Variants in ST8SIA1 observed in about 807,000 individuals in gnomAD.
The protein encoded by ST8SIA1 is ST8 alpha-N-acetyl-neuraminide alpha-2,8-sialyltransferase 1.
ST8SIA1 carries 16 observed loss-of-function variants against 35.9 expected under a neutral mutation model. That is an observed-to-expected ratio of 0.45 (90% CI 0.30 to 0.68). The LOEUF (loss-of-function observed/expected upper bound fraction) is 0.68. Among genes scored for constraint, ST8SIA1 ranks in the 30% least tolerant of loss-of-function variants. The probability of loss-of-function intolerance (pLI) is 0.09; values close to 1 mark genes in which losing one functional copy is unlikely to be tolerated. For missense variants in ST8SIA1, 383 were observed against 453.6 expected (o/e 0.84, Z 1.41); for synonymous variants, 170 against 169.6 (o/e 1.00, Z -0.02).
intron 4 of ST8SIA1, among the ~76,000 whole-genome samples, chr12:22,238,565 A>T (rs1865502355): frequency 6.6e-6 from 1 of 152,184 alleles, no homozygotes; most frequent in African/African-American, 2.4e-5. Context: ...TGAATTCCTG[A>T]CCCACAGAAA....
Position 22,237,067 on chromosome 12 carries a change from A to C in ST8SIA1, c.584+11939T>G, listed in dbSNP as rs182285950. On this transcript the variant is annotated intron_variant, in intron 4 of 4. Transcript: ENST00000396037. ...ACTCACAGGGCTGTGGTATTGTCAA[A>C]ATAAGTTAACATTAGGAAAAATTAT... 5.3e-5 allele frequency among the ~76,000 whole-genome samples: 8 copies of C among 152,216 alleles called. No individual in the cohort carries two copies. The East Asian group carries it at 1.6e-3, about 29-fold the overall frequency.
chr12:22,264,401 C>T (rs892175133), intron 2 of ST8SIA1, among the ~76,000 whole-genome samples: 1 of 152,156 alleles, frequency 6.6e-6, no homozygotes, highest in Non-Finnish European at 1.5e-5. Flanking sequence ...TTCCCACAAG[C>T]GAATTCCTAG....
At chr12:22,259,017 T>C (rs1192074402) in intron 2 of ST8SIA1, among the ~76,000 whole-genome samples, 1 of 152,162 alleles carries the variant, frequency 6.6e-6, no homozygotes, top group African/African-American at 2.4e-5. Flanking sequence ...TTCTATGAGT[T>C]TGTGGATGTC....
chr12:22,294,563 A>T (rs955845299), intron 1 of ST8SIA1, among the ~76,000 whole-genome samples: 1 of 152,250 alleles, frequency 6.6e-6, no homozygotes, highest in Non-Finnish European at 1.5e-5. Context: ...AACAACTCTT[A>T]TCCACTACTT....
At chr12:22,307,553 G>A (rs1196354687) in intron 1 of ST8SIA1, among the ~76,000 whole-genome samples, 2 of 152,130 alleles carry the variant, frequency 1.3e-5, no homozygotes, top group Non-Finnish European at 2.9e-5. Flanking sequence ...TAGGGGGAGA[G>A]CAGACACACT....
At chr12:22,305,286 T>A (rs1866370617) in intron 1 of ST8SIA1, among the ~76,000 whole-genome samples, 1 of 152,098 alleles carries the variant, frequency 6.6e-6, no homozygotes, top group African/African-American at 2.4e-5. Flanking sequence ...CTTTTTCAAG[T>A]GTACATGACT....
intron 4 of ST8SIA1, among the ~76,000 whole-genome samples, chr12:22,234,264 A>G (rs930417252): frequency 6.6e-6 from 1 of 151,852 alleles, no homozygotes; most frequent in East Asian, 1.9e-4. Flanking sequence ...TGTCTCAAAA[A>G]AAAAAAAAGA....
intron 2 of ST8SIA1, among the ~76,000 whole-genome samples, chr12:22,282,657 AATTC>A (rs1342104255): frequency 1.3e-5 from 2 of 152,110 alleles, no homozygotes; most frequent in Non-Finnish European, 2.9e-5. Context: ...CCTACCCTCT[AATTC>A]TTTATTGCTT....
intron 1 of ST8SIA1, among the ~76,000 whole-genome samples, chr12:22,310,718 C>T (rs1281504557): frequency 6.6e-6 from 1 of 152,024 alleles, no homozygotes; most frequent in African/African-American, 2.4e-5. Flanking sequence ...ACAAAAAATG[C>T]TGACTTTTCT....
intron 4 of ST8SIA1, among the ~76,000 whole-genome samples, chr12:22,224,457 A>G (rs1480607349): frequency 6.6e-6 from 1 of 151,860 alleles, no homozygotes; most frequent in Non-Finnish European, 1.5e-5. Context: ...TTACAGATGC[A>G]CACCACCAGG....
intron 1 of ST8SIA1, among the ~76,000 whole-genome samples, chr12:22,287,565 A>G (rs770992409): frequency 1.4e-4 from 22 of 152,200 alleles, no homozygotes; most frequent in Non-Finnish European, 2.9e-4. Flanking sequence ...AGATATGTCA[A>G]AAGATAAAAA....
At position 22,305,835 on chromosome 12, in the gene ST8SIA1, G is replaced by A. The variant is rs575550445; in HGVS notation, c.237-18542C>T. Among the ~76,000 whole-genome samples the A allele has an allele frequency of 3.3e-5, 5 of 152,224 alleles. No homozygotes were observed. In the South Asian group the frequency reaches 1.0e-3, roughly 32 times the overall value. ...TGCTTGGGTAATTTTTAATAAATAA[G>A]ACATTAATATTGGTTTAATGAAAAT... On this transcript the variant is annotated intron_variant, in intron 1 of 4. Transcript: ENST00000396037.
At chr12:22,300,765 C>G (rs2135824733) in intron 1 of ST8SIA1, among the ~76,000 whole-genome samples, 1 of 152,188 alleles carries the variant, frequency 6.6e-6, no homozygotes, top group South Asian at 2.1e-4. Context: ...TAGCAAATGT[C>G]TTAACCTTTG....
At chr12:22,316,444 G>A (rs1219893935) in intron 1 of ST8SIA1, among the ~76,000 whole-genome samples, 2 of 152,078 alleles carry the variant, frequency 1.3e-5, no homozygotes, top group South Asian at 2.1e-4. Flanking sequence ...GTAACATCTT[G>A]TGGAAAAAGT....
intron 1 of ST8SIA1, among the ~76,000 whole-genome samples, chr12:22,329,036 G>A (rs1005470849): frequency 5.9e-5 from 9 of 152,182 alleles, no homozygotes; most frequent in African/African-American, 2.2e-4. Flanking sequence ...GTCATTCCAG[G>A]TGGAGTGGGT....
At chr12:22,290,738 G>A (rs757506986) in intron 1 of ST8SIA1, among the ~76,000 whole-genome samples, 1 of 152,206 alleles carries the variant, frequency 6.6e-6, no homozygotes, top group Non-Finnish European at 1.5e-5. Flanking sequence ...TGGACTTCAC[G>A]TCCGTCTAAC....
chr12:22,296,762 G>C (rs1866249368), intron 1 of ST8SIA1, among the ~76,000 whole-genome samples: 1 of 152,154 alleles, frequency 6.6e-6, no homozygotes, highest in Non-Finnish European at 1.5e-5. Flanking sequence ...CACTTCTGGA[G>C]GCTTGAGCAG....
intron 2 of ST8SIA1, among the ~76,000 whole-genome samples, chr12:22,258,077 A>T (rs1260337011): frequency 6.6e-6 from 1 of 151,906 alleles, no homozygotes; most frequent in Non-Finnish European, 1.5e-5. Flanking sequence ...AGTAGCCAGA[A>T]GCTGGATATA....
chr12:22,254,267 C>G (rs549009710), intron 3 of ST8SIA1, among the ~76,000 whole-genome samples: 11 of 152,164 alleles, frequency 7.2e-5, no homozygotes, highest in Admixed American at 1.3e-4. Context: ...CCCGAGATAC[C>G]CTGAGCTCTG....
Sources: gnomAD v4.1 joint callset for allele counts (sites outside exome capture counted in the v4.1 genomes callset) on GRCh38, gnomAD v4.1.1 for gene constraint, MANE v1.5 for transcripts, NCBI Gene and HGNC (gene_info 2026-07-23, HGNC 2026-07-21) for gene names.